Variants in RBM44 observed in about 807,000 individuals in gnomAD.
RBM44 encodes RNA-binding protein 44.
A neutral mutation model predicts 105.1 loss-of-function variants in RBM44; 66 were observed. The ratio of observed to expected loss-of-function variants is 0.63; its 90% confidence interval spans 0.52 to 0.77. The LOEUF is 0.77. Among genes scored for constraint, RBM44 ranks in the 30% least tolerant of loss-of-function variants. The probability of loss-of-function intolerance (pLI) is 0.00; values close to 1 mark genes in which losing one functional copy is unlikely to be tolerated. For synonymous variants in RBM44, 365 were observed against 417.6 expected (o/e 0.87, Z 1.54); for missense variants, 1,122 against 1,207.8 (o/e 0.93, Z 1.05).
At chr2:237,813,492 C>T (rs79881871) in intron 1 of RBM44, 100 bp from the exon 2 acceptor site, 1 of 611,200 alleles carries the variant, frequency 1.6e-6, no homozygotes, top group Non-Finnish European at 2.7e-6. Flanking sequence ...AAAAAATGTT[C>T]CTTGGAAATT....
chr2:237,812,505 CA>C (rs566838413), intron 1 of RBM44, among the ~76,000 whole-genome samples: 20 of 152,306 alleles, frequency 1.3e-4, no homozygotes, highest in African/African-American at 4.8e-4. Context: ...AGGCTGTCTC[CA>C]TGACATGAGA....
At chr2:237,833,873 A>C in intron 13 of RBM44, 124 bp from the exon 14 acceptor site, 1 of 517,798 alleles carries the variant, frequency 1.9e-6, no homozygotes, top group Non-Finnish European at 3.0e-6. Context: ...AAGTTAAAGT[A>C]AATTTTTAAG....
intron 15 of RBM44, among the ~76,000 whole-genome samples, chr2:237,837,985 T>A (rs11900026): frequency 0.52 from 76,744 of 147,752 alleles, 20,751 homozygotes; most frequent in East Asian, 0.69. Context: ...AAGAAGTCCT[T>A]CTCTGGGTAA....
intron 1 of RBM44, among the ~76,000 whole-genome samples, chr2:237,807,010 C>T (rs532905518): frequency 9.9e-5 from 15 of 152,236 alleles, no homozygotes; most frequent in African/African-American, 3.4e-4. Context: ...AGTAGCTAAA[C>T]GTATCATTTT....
intron 13 of RBM44, among the ~76,000 whole-genome samples, chr2:237,831,321 C>A (rs1486646763): frequency 1.3e-5 from 2 of 151,504 alleles, no homozygotes; most frequent in African/African-American, 4.9e-5. Context: ...CATTCTGTCG[C>A]CCAGGCTGGA....
intron 1 of RBM44, among the ~76,000 whole-genome samples, chr2:237,813,283 A>G (rs547296028): frequency 6.2e-4 from 94 of 152,340 alleles, no homozygotes; most frequent in African/African-American, 2.1e-3. Flanking sequence ...GAGGTAACAT[A>G]TATCAATAGT....
chr2:237,834,514 A>G (rs1231333588), intron 15 of RBM44, 91 bp downstream of exon 15: 17 of 593,310 alleles, frequency 2.9e-5, no homozygotes, highest in Non-Finnish European at 4.6e-5. Flanking sequence ...AACATATTAA[A>G]TTTAAAATAA....
chr2:237,824,641 G>A (rs1397373800), intron 10 of RBM44, among the ~76,000 whole-genome samples: 1 of 152,132 alleles, frequency 6.6e-6, no homozygotes, highest in Non-Finnish European at 1.5e-5. Flanking sequence ...TTAGTTAACA[G>A]GTAGATACCC....
intron 4 of RBM44, 94 bp downstream of exon 4, chr2:237,819,053 T>C (rs1166005656): frequency 5.5e-6 from 3 of 542,304 alleles, no homozygotes; most frequent in Non-Finnish European, 9.7e-6. Flanking sequence ...TATAGAATAA[T>C]AGCTAAAATG....
chr2:237,829,187 A>G (rs780482405), intron 12 of RBM44, 30 bp from the exon 13 acceptor site: 13 of 1,550,554 alleles, frequency 8.4e-6, no homozygotes, highest in East Asian at 2.3e-5. Context: ...GTCATTAACA[A>G]CCTTTTGGTT....
At chr2:237,804,669 T>C (rs1340785592) in intron 1 of RBM44, among the ~76,000 whole-genome samples, 1 of 152,230 alleles carries the variant, frequency 6.6e-6, no homozygotes, top group Non-Finnish European at 1.5e-5. Context: ...TTCAATTCCC[T>C]ATAGATTCTG....
intron 8 of RBM44, among the ~76,000 whole-genome samples, chr2:237,823,223 CTG>C (rs890256234): frequency 6.6e-6 from 1 of 151,904 alleles, no homozygotes; most frequent in African/African-American, 2.4e-5. Context: ...TATACACAGA[CTG>C]GATTCAAAGT....
In RBM44 at chr2:237,817,178, A is replaced by G; in HGVS notation, c.259A>G (p.Thr87Ala). 1 of 1,604,860 alleles carries G rather than the reference A, an allele frequency of 6.2e-7. No homozygotes were observed. Among genetic ancestry groups the G allele is most frequent in the East Asian group, 2.2e-5 (1 of 44,760 alleles). Residue 87 changes from threonine (T) to alanine (A), a missense_variant, in exon 3 of 16, where the codon ACT (threonine) becomes GCT (alanine). By Grantham distance (58) the Thr-to-Ala change is moderately conservative (BLOSUM62 0). Around this residue, in one of 3 missense-constraint regions of RBM44, gnomAD observed 918 missense variants for 955.3 expected, o/e 0.96. Coordinates refer to ENST00000316997, the MANE Select transcript of RBM44 (RefSeq NM_001080504.3). Reference sequence around the variant, plus strand: ...GCCATTTTTTTCAGTGAGTCAAGATACTAACACAGAGAGTACTCAGTTTCA... The same window carrying G: ...GCCATTTTTTTCAGTGAGTCAAGATGCTAACACAGAGAGTACTCAGTTTCA... ...LEPFFSVSQD[T>A]NTESTQFQSS...
At chr2:237,822,415 G>T (rs2061802570) in intron 8 of RBM44, among the ~76,000 whole-genome samples, 1 of 151,986 alleles carries the variant, frequency 6.6e-6, no homozygotes, top group African/African-American at 2.4e-5. Flanking sequence ...TGGAAACATT[G>T]GTTATATTCT....
intron 2 of RBM44, among the ~76,000 whole-genome samples, chr2:237,815,120 A>G (rs2061701500): frequency 6.6e-6 from 1 of 152,174 alleles, no homozygotes; most frequent in Non-Finnish European, 1.5e-5. Flanking sequence ...TCTAGCACCC[A>G]GGCAACATAG....
Position 237,818,631 on chromosome 2 carries a change from T to G in RBM44, c.1677+35T>G. On this transcript the variant is annotated intron_variant, in intron 3 of 15. Transcript: ENST00000316997. The surrounding 1 kb of genome is among the most constrained non-coding windows in gnomAD (Gnocchi z 4.6). ...ATATGAGTAATAATAAAATTTGGAC[T>G]TTATAAAGAGACAGTGTATGCTAAT... The G allele has an allele frequency of 2.2e-6, 3 of 1,377,934 alleles. No individual in the cohort carries two copies. In the East Asian group the frequency reaches 7.5e-5, roughly 34 times the overall value. The allele number at this position is 1,377,934 out of a possible 1,614,324, so 85.4% of individuals were successfully genotyped here.
At chr2:237,814,648 A>G (rs1050512339) in intron 2 of RBM44, among the ~76,000 whole-genome samples, 3 of 152,188 alleles carry the variant, frequency 2.0e-5, no homozygotes. Flanking sequence ...TCATACAAAA[A>G]GATAATAGGT....
chr2:237,819,456 T>A (rs953440106), intron 4 of RBM44, among the ~76,000 whole-genome samples: 1 of 152,030 alleles, frequency 6.6e-6, no homozygotes, highest in African/African-American at 2.4e-5. Context: ...GAAGCGAAAT[T>A]AGTTATCATA....
intron 10 of RBM44, among the ~76,000 whole-genome samples, chr2:237,825,067 A>G (rs1333043421): frequency 6.6e-6 from 1 of 152,072 alleles, no homozygotes; most frequent in Non-Finnish European, 1.5e-5. Context: ...AAATTTAAAA[A>G]TATAGGAAAA....
Sources: allele counts gnomAD v4.1 joint callset (sites outside exome capture counted in the v4.1 genomes callset), GRCh38; gene constraint gnomAD v4.1.1; regional missense constraint gnomAD v4.1.1; non-coding constraint Gnocchi (gnomAD v3.1); transcripts MANE v1.5; gene names NCBI Gene and HGNC (gene_info 2026-07-23, HGNC 2026-07-21).